SLK: variants seen among roughly 807,000 people sequenced by gnomAD.
SLK encodes STE20-like serine/threonine-protein kinase.
A neutral mutation model predicts 147.7 loss-of-function variants in SLK; 67 were observed. The ratio of observed to expected loss-of-function variants is 0.45; its 90% CI spans 0.37 to 0.56. The LOEUF is 0.56. Among genes scored for constraint, SLK ranks in the 20% least tolerant of loss-of-function variants. SLK has a pLI of 0.00. For synonymous variants in SLK, 441 were observed against 475.0 expected (o/e 0.93, Z 0.93); for missense variants, 1,136 against 1,438.8 (o/e 0.79, Z 3.41).
At chr10:104,006,391 C>G (rs753047685) in intron 11 of SLK, among the ~76,000 whole-genome samples, 1 of 152,100 alleles carries the variant, frequency 6.6e-6, no homozygotes, top group Non-Finnish European at 1.5e-5. Context: ...ATTTGGAATC[C>G]AAGATTTTAA....
chr10:103,992,504 C>G, intron 2 of SLK, 94 bp from the exon 3 acceptor site: 1 of 1,136,096 alleles, frequency 8.8e-7, no homozygotes, highest in Non-Finnish European at 1.2e-6. Flanking sequence ...ATAGCTATTT[C>G]TTTATCTTTT....
intron 17 of SLK, 56 bp downstream of exon 17, chr10:104,020,669 G>A: frequency 6.4e-7 from 1 of 1,565,474 alleles, no homozygotes; most frequent in Non-Finnish European, 8.6e-7. Flanking sequence ...ACAAGTGGCT[G>A]CTTTTGAGAG....
At position 103,981,376 on chromosome 10, in the gene SLK, T is replaced by C. The variant is rs2134454118; in HGVS notation, c.151-9299T>C. Among the ~76,000 whole-genome samples the C allele has an allele frequency of 2.0e-5, 3 of 152,300 alleles. No individual in the cohort carries two copies. The Middle Eastern group carries it at 0.01, about 518-fold the overall frequency. On this transcript the variant is annotated intron_variant, in intron 1 of 18. Transcript: ENST00000369755. ...TCAAGTCCAGTTCCGTGTTTTCTTTTGTTGCCTGTGCTTTAGTGTCATATC... is the reference window on the plus strand; with the variant it reads ...TCAAGTCCAGTTCCGTGTTTTCTTTCGTTGCCTGTGCTTTAGTGTCATATC...
At chr10:104,013,513 G>A (rs1844424995) in intron 13 of SLK, among the ~76,000 whole-genome samples, 1 of 152,256 alleles carries the variant, frequency 6.6e-6, no homozygotes, top group African/African-American at 2.4e-5. Flanking sequence ...AGGTCCATCT[G>A]TTAAGTGACT....
chr10:103,973,696 T>G (rs1843823525), intron 1 of SLK, among the ~76,000 whole-genome samples: 1 of 152,232 alleles, frequency 6.6e-6, no homozygotes, highest in Non-Finnish European at 1.5e-5. Flanking sequence ...ACAAACTACT[T>G]CAAGGATGTT....
chr10:103,998,167 T>C (rs1194195594), intron 4 of SLK, among the ~76,000 whole-genome samples: 1 of 152,100 alleles, frequency 6.6e-6, no homozygotes, highest in Non-Finnish European at 1.5e-5. Flanking sequence ...ATATGGCTAA[T>C]AATAGCTACC....
At chr10:104,012,399 T>C (rs1203599904) in intron 13 of SLK, among the ~76,000 whole-genome samples, 2 of 152,224 alleles carry the variant, frequency 1.3e-5, no homozygotes, top group East Asian at 3.8e-4. Context: ...CTATGAGCCA[T>C]TGAAACATTT....
intron 1 of SLK, among the ~76,000 whole-genome samples, chr10:103,986,118 G>C (rs555428321): frequency 6.6e-6 from 1 of 152,302 alleles, no homozygotes; most frequent in South Asian, 2.1e-4. Flanking sequence ...TGGCACCAGG[G>C]ACTGGTTTCA....
At position 104,026,032 on chromosome 10, in the gene SLK, A is replaced by G; in HGVS notation, c.*312A>G. ...TGTTGGAGAAATAATGTTTAAAGTT[A>G]TTTAAGAAAAACTGTTACATCACTA... On this transcript the variant is annotated 3_prime_UTR_variant, in exon 19 of 19. Coordinates refer to ENST00000369755, the MANE Select transcript of SLK (RefSeq NM_014720.4). 1 of 210,698 alleles carries G rather than the reference A, an allele frequency of 4.7e-6. No individual in the cohort carries two copies. 13.1% of individuals were successfully genotyped at this position (210,698 alleles called of 1,614,324 possible).
rs149913528 is a variant in SLK at position 103,989,704 on chromosome 10, G to A, written c.151-971G>A. ...AGGATGGTCTCGATCTCCTGACTTC[G>A]TGATCTGCCTGCCTCGGCCTCCCAA... On this transcript the variant is annotated intron_variant, in intron 1 of 18. Coordinates refer to ENST00000369755, the MANE Select transcript of SLK (RefSeq NM_014720.4). Among the ~76,000 whole-genome samples the A allele has an allele frequency of 6.7e-3, 1,025 of 152,070 alleles. 6 individuals are homozygous for A. Among genetic ancestry groups the A allele is most frequent in the Middle Eastern group, 0.031 (9 of 294 alleles).
rs138797179 is a variant in SLK at position 103,992,500 on chromosome 10, A to G, written c.316-98A>G. On this transcript the variant is annotated intron_variant, in intron 2 of 18. Transcript: ENST00000369755. ...TCCATAACCAGATTATTTGATAGCT[A>G]TTTCTTTATCTTTTTTGCTAAGCTG... is the stretch of plus-strand genomic sequence containing the variant. 2.9e-3 allele frequency: 3,142 copies of G among 1,086,470 alleles called. 10 individuals carry two copies. The highest frequency in any genetic ancestry group is 8.9e-3 in the Middle Eastern group (33 of 3,698). The allele number at this position is 1,086,470 out of a possible 1,614,324, so 67.3% of individuals were successfully genotyped here.
chr10:104,025,304 T>TGAAGTATA (rs1844583357), intron 18 of SLK, among the ~76,000 whole-genome samples: 3 of 152,300 alleles, frequency 2.0e-5, no homozygotes, highest in Non-Finnish European at 2.9e-5. Flanking sequence ...AAATTATCCC[T>TGAAGTATA]ATTTTTACAG....
chr10:103,990,141 C>T (rs760345258), intron 1 of SLK, among the ~76,000 whole-genome samples: 5 of 152,122 alleles, frequency 3.3e-5, no homozygotes, highest in Non-Finnish European at 7.4e-5. Context: ...AAAAGCAAAA[C>T]TATGGATGCA....
At chr10:103,986,441 C>T (rs1380717874) in intron 1 of SLK, among the ~76,000 whole-genome samples, 2 of 152,136 alleles carry the variant, frequency 1.3e-5, no homozygotes, top group African/African-American at 4.8e-5. Context: ...AGTTCATGCT[C>T]CTCTGAGAAG....
Position 103,987,096 on chromosome 10 carries a change from G to T in SLK, c.151-3579G>T, listed in dbSNP as rs74816633. ...CACACACTTGTAAATATTTATTTCA[G>T]TTTTGTTTTTTTAAAGTTTTTTAGA... On this transcript the variant is annotated intron_variant, in intron 1 of 18. Coordinates refer to ENST00000369755, the MANE Select transcript of SLK (RefSeq NM_014720.4). Among the ~76,000 whole-genome samples, 1,315 of 152,156 alleles carry T rather than the reference G, an allele frequency of 8.6e-3. 17 individuals are homozygous for T. The highest frequency in any genetic ancestry group is 0.03 in the African/African-American group (1,258 of 41,520).
intron 1 of SLK, among the ~76,000 whole-genome samples, chr10:103,970,578 T>C (rs1211818098): frequency 6.6e-6 from 1 of 152,158 alleles, no homozygotes; most frequent in Non-Finnish European, 1.5e-5. Flanking sequence ...AAATTTGAAA[T>C]TAAAACTTAT....
rs376190522 is a variant in SLK, at chr10:104,005,573, C to A, written c.2362C>A (p.Gln788Lys). ...GSISLQETRRQKKTLKKTRKF... is the reference protein window; with the variant it reads ...GSISLQETRRKKKTLKKTRKF... ...AAATCTCACTCAGGAAACAAGAAGA[C>A]AAAAGAAAACATTGAAGAAAACACG... The change falls in exon 10 of 19, where the codon CAA (glutamine) becomes AAA (lysine). Residue 788 changes from glutamine (Q) to lysine (K), a missense_variant. Transcript: ENST00000369755. The A allele has an allele frequency of 6.2e-7, 1 of 1,605,390 alleles. No individual in the cohort carries two copies. The highest frequency in any genetic ancestry group is 1.7e-5 in the Admixed American group (1 of 57,662).
Position 103,992,592 on chromosome 10 carries a change from A to G in SLK, c.316-6A>G, listed in dbSNP as rs1297000429. On this transcript the variant is annotated splice_region_variant and splice_polypyrimidine_tract_variant and intron_variant, in intron 2 of 18. Coordinates refer to ENST00000369755, the MANE Select transcript of SLK (RefSeq NM_014720.4). ...CACACGCTTTTTTTTTTTTTTTTGC[A>G]TGCAGATCCTCATTGAATTTTGTGC... The G allele has an allele frequency of 1.3e-6, 2 of 1,553,688 alleles. No homozygotes were observed. Among genetic ancestry groups the G allele is most frequent in the African/African-American group, 1.5e-5 (1 of 68,526 alleles).
At chr10:103,983,853 C>T (rs1489201452) in intron 1 of SLK, among the ~76,000 whole-genome samples, 2 of 152,166 alleles carry the variant, frequency 1.3e-5, no homozygotes, top group Non-Finnish European at 2.9e-5. Flanking sequence ...TCTTCAGAGA[C>T]AACAGCACCA....
Sources: gnomAD v4.1 joint callset for allele counts (sites outside exome capture counted in the v4.1 genomes callset) on GRCh38, gnomAD v4.1.1 for gene constraint, MANE v1.5 for transcripts, NCBI Gene and HGNC (gene_info 2026-07-23, HGNC 2026-07-21) for gene names.